The following RBFOX1 variants were observed in gnomAD, a reference collection of about 807,000 sequenced individuals.
RBFOX1 encodes RNA binding fox-1 homolog 1, also known as RNA binding protein fox-1 homolog 1.
Under a neutral mutation model 57.7 loss-of-function variants are expected in RBFOX1, and 8 were observed. The ratio of observed to expected loss-of-function variants is 0.14; its 90% confidence interval spans 0.08 to 0.25. The LOEUF is 0.25. Ranked by LOEUF, RBFOX1 falls within the 10% of genes least tolerant of loss-of-function variation. The probability of loss-of-function intolerance (pLI) is 1.00; values close to 1 mark genes in which losing one functional copy is unlikely to be tolerated. For missense variants in RBFOX1, 611 were observed against 548.5 expected (o/e 1.11, Z -1.14); for synonymous variants, 326 against 222.4 (o/e 1.47, Z -4.15).
chr16:5,735,690 A>T (rs2052545670), intron 3 of RBFOX1, among the ~76,000 whole-genome samples: 1 of 152,044 alleles, frequency 6.6e-6, no homozygotes, highest in African/African-American at 2.4e-5. Context: ...TGAGGTCAGG[A>T]GTTTGAGACC....
At chr16:6,871,284 A>C (rs1492371) in intron 3 of RBFOX1, among the ~76,000 whole-genome samples, 118,633 of 152,014 alleles carry the variant, frequency 0.78, 47,283 homozygotes, top group African/African-American at 0.94. Context: ...CTCCTGGGTT[A>C]AAGTGATTTT....
intron 4 of RBFOX1, among the ~76,000 whole-genome samples, chr16:5,872,269 G>C (rs1354236682): frequency 2.0e-5 from 3 of 152,230 alleles, no homozygotes; most frequent in African/African-American, 7.2e-5. Flanking sequence ...ACAGTGGAAA[G>C]AGCAAGAGTT....
chr16:5,945,688 A>G (rs1428131659), intron 4 of RBFOX1, among the ~76,000 whole-genome samples: 1 of 152,220 alleles, frequency 6.6e-6, no homozygotes, highest in Admixed American at 6.5e-5. Context: ...CCTTCTGCAC[A>G]GCACAGCCCT....
rs183736231 is a variant in RBFOX1 at position 7,549,517 on chromosome 16, C to T, written c.271-30260C>T. On this transcript the variant is annotated intron_variant, in intron 5 of 15. Coordinates refer to ENST00000550418, the MANE Select transcript of RBFOX1 (RefSeq NM_018723.4). ...GACTCACGTGATTACAATAGGTCGT[C>T]TGCAAGCTGAAGAGCAAGGAAGCCA... Among the ~76,000 whole-genome samples the T allele has an allele frequency of 1.9e-3, 282 of 152,236 alleles. 1 individual carries two copies. The highest frequency in any genetic ancestry group is 0.017 in the Middle Eastern group (5 of 294).
chr16:6,646,338 G>T (rs772796369), intron 2 of RBFOX1, among the ~76,000 whole-genome samples: 1 of 152,082 alleles, frequency 6.6e-6, no homozygotes, highest in African/African-American at 2.4e-5. Context: ...TGCAGCAGAT[G>T]ACAAACTAAC....
At chr16:7,217,051 C>CCCTCCCTCCCTT (rs2092216274) in intron 4 of RBFOX1, among the ~76,000 whole-genome samples, 2 of 90,338 alleles carry the variant, frequency 2.2e-5, no homozygotes, top group African/African-American at 9.0e-5. Context: ...CTCCCTCCCT[C>CCCTCCCTCCCTT]CCTCTCTCTC....
intron 4 of RBFOX1, among the ~76,000 whole-genome samples, chr16:7,064,960 A>G (rs1394788487): frequency 3.3e-5 from 5 of 152,162 alleles, no homozygotes; most frequent in Admixed American, 6.5e-5. Context: ...GATAGAGATG[A>G]TGTCCTTGGC....
chr16:6,347,700 G>T (rs1169704301), intron 2 of RBFOX1, among the ~76,000 whole-genome samples: 1 of 152,188 alleles, frequency 6.6e-6, no homozygotes, highest in Admixed American at 6.5e-5. Flanking sequence ...TATGTTCACA[G>T]AGAACTTGAC....
At chr16:7,038,414 C>G (rs974976674) in intron 3 of RBFOX1, among the ~76,000 whole-genome samples, 4 of 152,138 alleles carry the variant, frequency 2.6e-5, no homozygotes, top group Non-Finnish European at 5.9e-5. Flanking sequence ...ATTGTTTTCT[C>G]CAGCCCTCCT....
intron 5 of RBFOX1, among the ~76,000 whole-genome samples, chr16:7,564,707 A>G (rs2152708648): frequency 6.6e-6 from 1 of 152,298 alleles, no homozygotes; most frequent in African/African-American, 2.4e-5. Context: ...GTATTTTGTT[A>G]TAACAGCCTG....
intron 3 of RBFOX1, among the ~76,000 whole-genome samples, chr16:5,734,439 AAAAG>A (rs915794002): frequency 5.9e-5 from 9 of 152,196 alleles, no homozygotes; most frequent in African/African-American, 2.2e-4. Context: ...AAATAAAATA[AAAAG>A]AAAGAAAGAA....
chr16:5,943,067 A>C (rs1009811121), intron 4 of RBFOX1, among the ~76,000 whole-genome samples: 1 of 152,032 alleles, frequency 6.6e-6, no homozygotes, highest in Non-Finnish European at 1.5e-5. Context: ...CTTTGTTCCT[A>C]TTCCCTCATC....
chr16:6,062,452 G>T (rs2095699872), intron 1 of RBFOX1, among the ~76,000 whole-genome samples: 1 of 151,882 alleles, frequency 6.6e-6, no homozygotes, highest in African/African-American at 2.4e-5. Context: ...TATCACTTTG[G>T]AGATCCCAAT....
At chr16:7,468,673 G>A (rs573702063) in intron 4 of RBFOX1, among the ~76,000 whole-genome samples, 17 of 152,232 alleles carry the variant, frequency 1.1e-4, no homozygotes, top group African/African-American at 3.8e-4. Context: ...TGCATGCATA[G>A]GATGCTTTAA....
chr16:7,177,075 T>C (rs915124718), intron 4 of RBFOX1, among the ~76,000 whole-genome samples: 1 of 152,204 alleles, frequency 6.6e-6, no homozygotes, highest in Non-Finnish European at 1.5e-5. Flanking sequence ...ACATTGCCTG[T>C]CATAAAAAGC....
At chr16:6,765,331 C>G (rs141838454) in intron 3 of RBFOX1, among the ~76,000 whole-genome samples, 22 of 152,218 alleles carry the variant, frequency 1.4e-4, no homozygotes, top group African/African-American at 5.1e-4. Flanking sequence ...ATTCTGTCTA[C>G]CACTGGAAAT....
chr16:6,237,846 C>T (rs1598675515), intron 1 of RBFOX1, among the ~76,000 whole-genome samples: 1 of 152,014 alleles, frequency 6.6e-6, no homozygotes, highest in Non-Finnish European at 1.5e-5. Context: ...GTAATCCCAG[C>T]ACTTTGGGAG....
chr16:5,870,000 T>A (rs969036113), intron 4 of RBFOX1, among the ~76,000 whole-genome samples: 10 of 152,100 alleles, frequency 6.6e-5, no homozygotes, highest in Non-Finnish European at 1.5e-4. Context: ...TCAAAAAATA[T>A]TATCTATAGG....
intron 1 of RBFOX1, among the ~76,000 whole-genome samples, chr16:6,086,671 T>C (rs1186088595): frequency 1.3e-5 from 2 of 152,202 alleles, no homozygotes; most frequent in African/African-American, 4.8e-5. Context: ...TTACTGTTTC[T>C]CAATAAAAGA....
Sources: gnomAD v4.1 joint callset for allele counts (sites outside exome capture counted in the v4.1 genomes callset) on GRCh38, gnomAD v4.1.1 for gene constraint, MANE v1.5 for transcripts, NCBI Gene and HGNC (gene_info 2026-07-23, HGNC 2026-07-21) for gene names.